The following SYNJ2BP variants were observed in gnomAD, a reference collection of about 807,000 sequenced individuals.
The protein encoded by SYNJ2BP is synaptojanin-2-binding protein.
A neutral mutation model predicts 16.9 loss-of-function variants in SYNJ2BP; 10 were observed. The observed-to-expected ratio is 0.59, with a 90% CI of 0.36 to 1.00. SYNJ2BP has a LOEUF of 1.00. Ranked by LOEUF, SYNJ2BP falls within the 50% of genes least tolerant of loss-of-function variation. The pLI is 0.01. For synonymous variants in SYNJ2BP, 54 were observed against 68.4 expected, an observed-to-expected ratio of 0.79 and a Z score of 1.04; for missense variants, 162 against 186.7, an observed-to-expected ratio of 0.87 and a Z score of 0.77.
chr14:70,407,534 CA>C (rs11335413), intron 1 of SYNJ2BP, among the ~76,000 whole-genome samples: 132,283 of 151,670 alleles, frequency 0.87, 57,716 homozygotes, highest in African/African-American at 0.91. Flanking sequence ...GTTAATTAAG[CA>C]AAAAAAAAAT....
At chr14:70,390,881 C>T (rs1317182017) in intron 1 of SYNJ2BP, among the ~76,000 whole-genome samples, 1 of 152,128 alleles carries the variant, frequency 6.6e-6, no homozygotes, top group Non-Finnish European at 1.5e-5. Flanking sequence ...CGCCTATAAT[C>T]CCAGCACTTT....
intron 1 of SYNJ2BP, among the ~76,000 whole-genome samples, chr14:70,408,673 C>CAA (rs71105711): frequency 0.23 from 33,037 of 143,674 alleles, 5,067 homozygotes; most frequent in East Asian, 0.62. Context: ...AACTCCGTCT[C>CAA]AAAAAAAAAA....
intron 1 of SYNJ2BP, among the ~76,000 whole-genome samples, chr14:70,401,903 G>A (rs113615293): frequency 5.9e-4 from 90 of 152,098 alleles, no homozygotes; most frequent in African/African-American, 2.2e-3. Context: ...TACCACCTCC[G>A]CCTCCCAAAC....
chr14:70,377,298 T>C (rs1229328057), intron 2 of SYNJ2BP, among the ~76,000 whole-genome samples: 1 of 152,164 alleles, frequency 6.6e-6, no homozygotes, highest in Admixed American at 6.5e-5. Context: ...CTGCCATCTT[T>C]CCAGTCCTGG....
intron 2 of SYNJ2BP, among the ~76,000 whole-genome samples, chr14:70,382,982 T>A (rs1379871426): frequency 6.6e-6 from 1 of 152,178 alleles, no homozygotes; most frequent in African/African-American, 2.4e-5. Context: ...TAATACGCAA[T>A]AGATGTGAGA....
At chr14:70,411,049 T>C (rs1055320084) in intron 1 of SYNJ2BP, among the ~76,000 whole-genome samples, 2 of 152,108 alleles carry the variant, frequency 1.3e-5, no homozygotes, top group African/African-American at 4.8e-5. Flanking sequence ...ATATGTTCTT[T>C]GACTCAGAAG....
intron 2 of SYNJ2BP, among the ~76,000 whole-genome samples, chr14:70,384,957 C>T (rs1378078781): frequency 5.9e-5 from 9 of 152,146 alleles, no homozygotes; most frequent in Non-Finnish European, 1.3e-4. Flanking sequence ...CTCTGCCTCT[C>T]CTTCCCCTGG....
chr14:70,407,540 A>C (rs1269094749), intron 1 of SYNJ2BP, among the ~76,000 whole-genome samples: 1 of 152,186 alleles, frequency 6.6e-6, no homozygotes, highest in Admixed American at 6.5e-5. Context: ...TAAGCAAAAA[A>C]AAAATTTGTT....
In SYNJ2BP at chr14:70,375,791, T is replaced by G. The variant is rs1255560683; in HGVS notation, c.202-20A>C. On this transcript the variant is annotated intron_variant, in intron 2 of 3. Transcript: ENST00000256366. The stretch of plus-strand genomic sequence containing the variant: ...ATTTACCTGTCAAAACACCAAAGAG[T>G]AGTAAGAAAGGAAGAAGGCTATTAG... 8.1e-6 allele frequency: 13 copies of G among 1,608,682 alleles called. No individual in the cohort carries two copies. Among genetic ancestry groups the G allele is most frequent in the Non-Finnish European group, 1.1e-5 (13 of 1,178,646 alleles).
rs535942458 is a variant in SYNJ2BP at position 70,388,210 on chromosome 14, C to T, written c.201+260G>A. ...ATCTCTTTTCCCCATATGAGTCCCTCGCTGCTTCCTGCCTTGTGCTTTTTG... is the reference window on the plus strand; with the variant it reads ...ATCTCTTTTCCCCATATGAGTCCCTTGCTGCTTCCTGCCTTGTGCTTTTTG... On this transcript the variant is annotated intron_variant, in intron 2 of 3. Coordinates refer to ENST00000256366, the MANE Select transcript of SYNJ2BP (RefSeq NM_018373.3). Among the ~76,000 whole-genome samples, 4 of 152,312 alleles carry T rather than the reference C, an allele frequency of 2.6e-5. No individual in the cohort carries two copies. The South Asian group carries it at 6.2e-4, about 24-fold the overall frequency.
At chr14:70,381,341 C>T (rs116619110) in intron 2 of SYNJ2BP, among the ~76,000 whole-genome samples, 3,880 of 152,292 alleles carry the variant, frequency 0.025, 167 homozygotes, top group African/African-American at 0.087. Flanking sequence ...CTAATGACTA[C>T]TTTAAAACCC....
At chr14:70,378,451 CAG>C (rs1887680361) in intron 2 of SYNJ2BP, among the ~76,000 whole-genome samples, 1 of 114,076 alleles carries the variant, frequency 8.8e-6, no homozygotes, top group South Asian at 2.9e-4. Flanking sequence ...TTTTTTGAGA[CAG>C]AGTCTTGCTC....
intron 1 of SYNJ2BP, among the ~76,000 whole-genome samples, chr14:70,412,287 G>C (rs1375651746): frequency 6.6e-6 from 1 of 152,098 alleles, no homozygotes; most frequent in East Asian, 1.9e-4. Context: ...TACTGCAGTG[G>C]AAAGTAGTAT....
At position 70,366,688 on chromosome 14, in the gene SYNJ2BP, GTGTGTCTTC is replaced by G. The variant is rs1887394646; in HGVS notation, c.*6294_*6302del. 6.6e-6 allele frequency: 1 copy of G among 152,240 alleles called. No individual in the cohort carries two copies. The highest frequency in any genetic ancestry group is 3.4e-3 in the Middle Eastern group (1 of 294). The allele number at this position is 152,240 out of a possible 1,614,324, so 9.4% of individuals were successfully genotyped here. A position where few individuals can be genotyped will look rare whatever the true frequency, so the allele number is the denominator to read the frequency against. On this transcript the variant is annotated 3_prime_UTR_variant, in exon 4 of 4. Coordinates refer to ENST00000256366, the MANE Select transcript of SYNJ2BP (RefSeq NM_018373.3). ...GGATAATAAATACAGTTTTATGTCCGTGTGTCTTCTGTGTCTTCCAAGTTGCTACAGGGC... is the reference window on the plus strand; with the variant it reads ...GGATAATAAATACAGTTTTATGTCCGTGTGTCTTCCAAGTTGCTACAGGGC...
chr14:70,386,468 G>T (rs1449013576), intron 2 of SYNJ2BP, among the ~76,000 whole-genome samples: 6 of 152,188 alleles, frequency 3.9e-5, no homozygotes, highest in African/African-American at 1.4e-4. Context: ...GAGGACACAT[G>T]CTTAGACATT....
chr14:70,381,964 C>T (rs949624685), intron 2 of SYNJ2BP, among the ~76,000 whole-genome samples: 1 of 152,164 alleles, frequency 6.6e-6, no homozygotes, highest in Non-Finnish European at 1.5e-5. Flanking sequence ...TGGCCGGGCG[C>T]GGTGGCTCAC....
At chr14:70,390,391 G>A (rs577179399) in intron 1 of SYNJ2BP, among the ~76,000 whole-genome samples, 4 of 151,800 alleles carry the variant, frequency 2.6e-5, no homozygotes, top group Admixed American at 6.5e-5. Flanking sequence ...GCGGGGGGCC[G>A]GGCGCGGTGG....
rs532463395 is a variant in SYNJ2BP at position 70,383,755 on chromosome 14, C to T, written c.201+4715G>A. Among the ~76,000 whole-genome samples, 44 of 152,212 alleles carry T rather than the reference C, an allele frequency of 2.9e-4. 1 individual carries two copies. The highest frequency in any genetic ancestry group is 2.1e-3 in the Admixed American group (32 of 15,290). On this transcript the variant is annotated intron_variant, in intron 2 of 3. Coordinates refer to ENST00000256366, the MANE Select transcript of SYNJ2BP (RefSeq NM_018373.3). ...GTTTATTCTAATAATAAACCATTCT[C>T]GCCAGCATACACACACAAAATGAAC...
intron 2 of SYNJ2BP, among the ~76,000 whole-genome samples, chr14:70,381,835 A>G (rs1008176301): frequency 2.0e-5 from 3 of 152,206 alleles, no homozygotes; most frequent in African/African-American, 7.2e-5. Context: ...TCCCCTATTT[A>G]ATATACCCCT....
Sources: allele counts gnomAD v4.1 joint callset (sites outside exome capture counted in the v4.1 genomes callset), GRCh38; gene constraint gnomAD v4.1.1; transcripts MANE v1.5; gene names NCBI Gene and HGNC (gene_info 2026-07-23, HGNC 2026-07-21).